SCAF11: variants seen among roughly 807,000 people sequenced by gnomAD.
SCAF11 encodes the protein SR-related CTD associated factor 11, also known as protein SCAF11.
SCAF11 carries 47 observed loss-of-function variants against 140.5 expected under a neutral mutation model. The ratio of observed to expected loss-of-function variants is 0.33; its 90% CI spans 0.26 to 0.43. The LOEUF (loss-of-function observed/expected upper bound fraction) is 0.43, where lower values mean the gene tolerates loss of function less well. Among genes scored for constraint, SCAF11 ranks in the 20% least tolerant of loss-of-function variants. The pLI is 1.00. For synonymous variants in SCAF11, 557 were observed against 579.4 expected (o/e 0.96, Z 0.55); for missense variants, 1,645 against 1,705.1 (o/e 0.96, Z 0.62).
chr12:45,965,695 C>T lies in SCAF11; in HGVS notation c.-21-1507G>A, dbSNP rs76701678. On this transcript the variant is annotated intron_variant, in intron 1 of 14. Transcript: ENST00000369367. ...ATGTCCAAATATGCATTTATATCTA[C>T]GCACAAGAAATCCTTGATTTTATCA... is the stretch of plus-strand genomic sequence containing the variant. Among the ~76,000 whole-genome samples, 93 of 152,318 alleles carry T rather than the reference C, an allele frequency of 6.1e-4. 2 individuals are homozygous for T. In the East Asian group the frequency reaches 0.018, roughly 29 times the overall value.
At chr12:45,924,222 C>CTGGCAT (rs1944788151) in intron 12 of SCAF11, among the ~76,000 whole-genome samples, 1 of 152,164 alleles carries the variant, frequency 6.6e-6, no homozygotes, top group Non-Finnish European at 1.5e-5. Flanking sequence ...TTCTATGTCT[C>CTGGCAT]ACAGAGGCAC....
At chr12:45,929,019 T>C (rs1944974006) in intron 10 of SCAF11, 160 bp from the exon 11 acceptor site, 2 of 409,876 alleles carry the variant, frequency 4.9e-6, no homozygotes, top group Non-Finnish European at 8.4e-6. Context: ...ATCTGAGTAA[T>C]ATGACTTATT....
rs1280946331 is a variant in SCAF11 at position 45,926,341 on chromosome 12, C to G, written c.3360G>C (p.Gln1120His). 3.1e-6 allele frequency: 5 copies of G among 1,614,046 alleles called. No individual in the cohort carries two copies. Among genetic ancestry groups the G allele is most frequent in the African/African-American group, 2.7e-5 (2 of 74,910 alleles). The stretch of plus-strand genomic sequence containing the variant: ...GTTCACTTTTTCGCTTATAGGATTG[C>G]TGTTCCACAAACTTGAAAGATTCAC... ...SGSESFKFVEQQSYKRKSEQE... is the reference protein window; with the variant it reads ...SGSESFKFVEHQSYKRKSEQE... The change falls in exon 11 of 15, where the codon CAG becomes CAC. Residue 1120 changes from glutamine (Q) to histidine (H), a missense_variant. Gln to His is a conservative substitution (Grantham distance 24). This residue lies in a region of SCAF11 where 1,582 missense variants were observed against 1,609.2 expected (regional missense o/e 0.98). Transcript: ENST00000369367.
Position 45,933,241 on chromosome 12 carries a change from T to C in SCAF11, c.633-9A>G. The C allele has an allele frequency of 6.3e-7, 1 of 1,580,794 alleles. No homozygotes were observed. The highest frequency in any genetic ancestry group is 8.7e-7 in the Non-Finnish European group (1 of 1,154,530). On this transcript the variant is annotated splice_polypyrimidine_tract_variant and intron_variant, in intron 8 of 14. Transcript: ENST00000369367. ...CTTCTATAAATTCTGTACTAAAAGATAAATTTTAGACCTTCATCAGAATCT... is the reference window on the plus strand; with the variant it reads ...CTTCTATAAATTCTGTACTAAAAGACAAATTTTAGACCTTCATCAGAATCT...
chr12:45,960,377 C>A (rs947584231), intron 3 of SCAF11: 1 of 152,022 alleles, frequency 6.6e-6, no homozygotes, highest in Non-Finnish European at 1.5e-5. Flanking sequence ...AACCTTCCAC[C>A]CATCCAACAA....
intron 3 of SCAF11, chr12:45,955,961 G>A (rs1202744972): frequency 3.2e-6 from 2 of 625,968 alleles, no homozygotes; most frequent in African/African-American, 3.7e-5. Context: ...TAAGGTTGTT[G>A]TATCAGTTAA....
intron 1 of SCAF11, among the ~76,000 whole-genome samples, chr12:45,986,167 A>C (rs997254211): frequency 1.3e-5 from 2 of 152,298 alleles, no homozygotes; most frequent in Non-Finnish European, 2.9e-5. Context: ...GGGAGATTCC[A>C]GTTTTCCATT....
At chr12:45,980,992 G>A (rs913475300) in intron 1 of SCAF11, among the ~76,000 whole-genome samples, 24 of 152,124 alleles carry the variant, frequency 1.6e-4, no homozygotes, top group African/African-American at 4.8e-4. Context: ...TTGTTTTAGG[G>A]AAACAGGGCA....
intron 12 of SCAF11, among the ~76,000 whole-genome samples, chr12:45,924,330 T>C (rs182514717): frequency 1.1e-3 from 171 of 152,208 alleles, no homozygotes; most frequent in Non-Finnish European, 1.9e-3. Flanking sequence ...AACAAGACAA[T>C]AAAAGCTTCA....
chr12:45,932,037 G>T (rs1427779630), intron 9 of SCAF11, among the ~76,000 whole-genome samples: 1 of 151,824 alleles, frequency 6.6e-6, no homozygotes, highest in Non-Finnish European at 1.5e-5. Context: ...ACCAAAGTGT[G>T]TGCATATATA....
chr12:45,925,280 C>T (rs1037320551), intron 11 of SCAF11, among the ~76,000 whole-genome samples: 42 of 152,114 alleles, frequency 2.8e-4, no homozygotes, highest in African/African-American at 9.2e-4. Flanking sequence ...TGGCGAGGCA[C>T]GGTGGCTCAA....
intron 3 of SCAF11, among the ~76,000 whole-genome samples, chr12:45,953,148 T>C (rs1945590313): frequency 6.6e-6 from 1 of 152,214 alleles, no homozygotes; most frequent in Admixed American, 6.5e-5. Flanking sequence ...AAGAAGCCAG[T>C]TCAGCCTACT....
rs1246525871 is a variant in SCAF11, at chr12:45,921,368, C to G, written c.*680G>C. 6.6e-6 allele frequency: 1 copy of G among 152,564 alleles called. No homozygotes were observed. The highest frequency in any genetic ancestry group is 2.4e-5 in the African/African-American group (1 of 41,428). The allele number at this position is 152,564 out of a possible 1,614,324, so 9.5% of individuals were successfully genotyped here. A position where few individuals can be genotyped will look rare whatever the true frequency, so the allele number is the denominator to read the frequency against. Reference sequence around the variant, plus strand: ...CAAAGTTGTAATCTAGTAAGTCAAACTGCTTATCTCAATTAGGGGTAAACA... The same window carrying G: ...CAAAGTTGTAATCTAGTAAGTCAAAGTGCTTATCTCAATTAGGGGTAAACA... On this transcript the variant is annotated 3_prime_UTR_variant, in exon 15 of 15. Coordinates refer to ENST00000369367, the MANE Select transcript of SCAF11 (RefSeq NM_004719.3).
At chr12:45,990,920 G>C (rs755702886), upstream of SCAF11, among the ~76,000 whole-genome samples, 14 of 152,262 alleles carry the variant, frequency 9.2e-5, no homozygotes, top group Non-Finnish European at 1.3e-4. Flanking sequence ...CGCATGCGCA[G>C]CGCGTGGACT....
intron 3 of SCAF11, among the ~76,000 whole-genome samples, chr12:45,960,119 T>C (rs1441296177): frequency 6.6e-6 from 1 of 152,192 alleles, no homozygotes; most frequent in Non-Finnish European, 1.5e-5. Flanking sequence ...GAGTTAAGTA[T>C]GTGCATCATC....
chr12:45,929,082 T>C (rs1354417676), intron 10 of SCAF11: 3 of 308,900 alleles, frequency 9.7e-6, no homozygotes, highest in Admixed American at 9.8e-5. Flanking sequence ...TTGGTCCAAA[T>C]GGGCAATTTT....
intron 6 of SCAF11, among the ~76,000 whole-genome samples, chr12:45,937,047 AT>A (rs976323588): frequency 1.3e-4 from 20 of 150,946 alleles, no homozygotes; most frequent in African/African-American, 4.4e-4. Flanking sequence ...ATTTGGTATG[AT>A]TTTTTTTTCA....
intron 1 of SCAF11, chr12:45,975,819 TAA>T (rs879555143): frequency 6.6e-6 from 1 of 152,066 alleles, no homozygotes; most frequent in Non-Finnish European, 1.5e-5. Context: ...CAGGCAAACA[TAA>T]GTTACCTGTC....
At chr12:45,939,865 C>T (rs1945254483) in intron 6 of SCAF11, among the ~76,000 whole-genome samples, 2 of 152,188 alleles carry the variant, frequency 1.3e-5, no homozygotes, top group African/African-American at 4.8e-5. Flanking sequence ...TAGGCTATAT[C>T]ATGGTTTCTG....
Sources: gnomAD v4.1 joint callset for allele counts (sites outside exome capture counted in the v4.1 genomes callset) on GRCh38, gnomAD v4.1.1 for gene constraint, gnomAD v4.1.1 regional missense constraint, MANE v1.5 for transcripts, NCBI Gene and HGNC (gene_info 2026-07-23, HGNC 2026-07-21) for gene names.